The following MARVELD2 variants were observed in gnomAD, a reference collection of about 807,000 sequenced individuals.
MARVELD2 encodes MARVEL domain containing 2.
Under a neutral mutation model 57.6 loss-of-function variants are expected in MARVELD2, and 49 were observed. That is an observed-to-expected ratio of 0.85 (90% CI 0.68 to 1.08). The LOEUF (loss-of-function observed/expected upper bound fraction) is 1.08, where lower values mean the gene tolerates loss of function less well. MARVELD2 is among the 50% of genes least tolerant of loss of function. MARVELD2 has a pLI of 0.00. For synonymous variants in MARVELD2, 238 were observed against 258.8 expected, an observed-to-expected ratio of 0.92 and a Z score of 0.77; for missense variants, 606 against 701.1, an observed-to-expected ratio of 0.86 and a Z score of 1.53.
rs374775664 is a variant in MARVELD2 at position 69,441,811 on chromosome 5, T to C, written c.*157T>C. ...AATTCTCCTGTTCAAGCAATTAGCCTCCCCAGTAGCTGGGATTACAGGCGT... is the reference window on the plus strand; with the variant it reads ...AATTCTCCTGTTCAAGCAATTAGCCCCCCCAGTAGCTGGGATTACAGGCGT... On this transcript the variant is annotated 3_prime_UTR_variant, in exon 7 of 7. Transcript: ENST00000325631. The C allele has an allele frequency of 7.2e-4, 381 of 529,422 alleles. 2 individuals carry two copies. The South Asian group carries it at 8.2e-3, about 11-fold the overall frequency. The allele number at this position is 529,422 out of a possible 1,614,324, so 32.8% of individuals were successfully genotyped here. A position where few individuals can be genotyped will look rare whatever the true frequency, so the allele number is the denominator to read the frequency against.
At position 69,441,815 on chromosome 5, in the gene MARVELD2, C is replaced by A; in HGVS notation, c.*161C>A. The A allele has an allele frequency of 3.8e-6, 2 of 521,296 alleles. No homozygotes were observed. Among genetic ancestry groups the A allele is most frequent in the East Asian group, 3.7e-5 (1 of 27,092 alleles). The allele number at this position is 521,296 out of a possible 1,614,324, so 32.3% of individuals were successfully genotyped here. On this transcript the variant is annotated 3_prime_UTR_variant, in exon 7 of 7. Coordinates refer to ENST00000325631, the MANE Select transcript of MARVELD2 (RefSeq NM_001038603.3). Reference sequence around the variant, plus strand: ...CTCCTGTTCAAGCAATTAGCCTCCCCAGTAGCTGGGATTACAGGCGTGCGC... The same window carrying A: ...CTCCTGTTCAAGCAATTAGCCTCCCAAGTAGCTGGGATTACAGGCGTGCGC...
In MARVELD2 at chr5:69,441,519, A is replaced by G. The variant is rs373638063; in HGVS notation, c.1555-13A>G. 2.2e-5 allele frequency: 36 copies of G among 1,608,854 alleles called. No individual in the cohort carries two copies. The African/African-American group carries it at 4.4e-4, about 20-fold the overall frequency. ...AGCCAGGAGCCAAAATAATACTTAT[A>G]TTTCTTTTACAGGATCCTACATTTC... On this transcript the variant is annotated splice_polypyrimidine_tract_variant and intron_variant, in intron 6 of 6. Transcript: ENST00000325631.
chr5:69,425,413 TAAA>T (rs10706532), intron 3 of MARVELD2, among the ~76,000 whole-genome samples: 1 of 141,846 alleles, frequency 7.0e-6, no homozygotes, highest in Non-Finnish European at 1.5e-5. Context: ...ATATATATAT[TAAA>T]AAAAAAAAAA....
At chr5:69,420,695 T>C (rs1198610932) in intron 2 of MARVELD2, among the ~76,000 whole-genome samples, 164 bp downstream of exon 2, 2 of 152,050 alleles carry the variant, frequency 1.3e-5, no homozygotes, top group Non-Finnish European at 2.9e-5. Flanking sequence ...AAAGTCCTAG[T>C]GCAATATCTG....
rs187945980 is a variant in MARVELD2, at chr5:69,425,789, C to T, written c.1182+1153C>T. On this transcript the variant is annotated intron_variant, in intron 3 of 6. Coordinates refer to ENST00000325631, the MANE Select transcript of MARVELD2 (RefSeq NM_001038603.3). ...TGTCGCCCAGGCTGGAGTGCAGTGG[C>T]GCTATCTCGGCTCACTGCAAGCTCC... Among the ~76,000 whole-genome samples the T allele has an allele frequency of 1.1e-3, 160 of 149,022 alleles. 1 individual carries two copies. Among genetic ancestry groups the T allele is most frequent in the African/African-American group, 3.7e-3 (151 of 40,312 alleles).
At position 69,420,000 on chromosome 5, in the gene MARVELD2, C is replaced by T. The variant is rs146796266; in HGVS notation, c.615C>T (p.Ala205=). ...GTGTGGTGGAGCTGCTTTTGGGGGC[C>T]GGTGTCTTTGCTTGTGTCACAGCTT... ...ILGVVELLLG[A]GVFACVTAYI... Residue 205 remains alanine, a synonymous_variant, in exon 2 of 7, where the codon GCC becomes GCT. Coordinates refer to ENST00000325631, the MANE Select transcript of MARVELD2 (RefSeq NM_001038603.3). 2.2e-4 allele frequency: 350 copies of T among 1,614,062 alleles called. 2 individuals carry two copies. In the African/African-American group the frequency reaches 4.2e-3, roughly 19 times the overall value.
At chr5:69,429,352 T>A (rs1300448308) in intron 3 of MARVELD2, among the ~76,000 whole-genome samples, 1 of 152,162 alleles carries the variant, frequency 6.6e-6, no homozygotes, top group Non-Finnish European at 1.5e-5. Context: ...AACAAAGGAT[T>A]TTTAAAGCTT....
chr5:69,428,189 A>T (rs1330906108), intron 3 of MARVELD2, among the ~76,000 whole-genome samples: 1 of 151,836 alleles, frequency 6.6e-6, no homozygotes, highest in Non-Finnish European at 1.5e-5. Flanking sequence ...GCAGAAAAAA[A>T]GTTAAGACCA....
Position 69,419,416 on chromosome 5 carries a change from G to A in MARVELD2, c.31G>A (p.Asp11Asn), listed in dbSNP as rs112747252. 3.7e-6 allele frequency: 6 copies of A among 1,614,036 alleles called. No homozygotes were observed. Among genetic ancestry groups the A allele is most frequent in the Non-Finnish European group, 5.1e-6 (6 of 1,180,044 alleles). The change falls in exon 2 of 7, where the codon GAC (aspartate) becomes AAC (asparagine). Residue 11 changes from aspartate (D) to asparagine (N), a missense_variant. Physicochemically the swap from Asp to Asn is conservative, Grantham distance 23. Coordinates refer to ENST00000325631, the MANE Select transcript of MARVELD2 (RefSeq NM_001038603.3). ...AAATGATGGAAGATCCAGGAATCGG[G>A]ACAGGCGCTACGATGAGGTCCCAAG... is the stretch of plus-strand genomic sequence containing the variant. MSNDGRSRNRDRRYDEVPSDL... is the reference protein window; with the variant it reads MSNDGRSRNRNRRYDEVPSDL...
At chr5:69,433,801 G>C (rs1324697891) in intron 5 of MARVELD2, 1 of 152,374 alleles carries the variant, frequency 6.6e-6, no homozygotes, top group Non-Finnish European at 1.5e-5. Context: ...ATTTACATCT[G>C]CTTTCTGTGT....
chr5:69,444,214 G>A lies in MARVELD2; in HGVS notation c.*2560G>A, dbSNP rs921055010. 13 of 151,584 alleles carry A rather than the reference G, an allele frequency of 8.6e-5. No homozygotes were observed. The highest frequency in any genetic ancestry group is 8.8e-5 in the Non-Finnish European group (6 of 67,908). 9.4% of individuals were successfully genotyped at this position (151,584 alleles called of 1,614,324 possible). A position where few individuals can be genotyped will look rare whatever the true frequency, so the allele number is the denominator to read the frequency against. Reference sequence around the variant, plus strand: ...TGCATTAAAGTTTCAGTCACCTGCCGTGTGTGTGTGTGCCCTTTTATGTTT... The same window carrying A: ...TGCATTAAAGTTTCAGTCACCTGCCATGTGTGTGTGTGCCCTTTTATGTTT... On this transcript the variant is annotated 3_prime_UTR_variant, in exon 7 of 7. Coordinates refer to ENST00000325631, the MANE Select transcript of MARVELD2 (RefSeq NM_001038603.3).
intron 2 of MARVELD2, among the ~76,000 whole-genome samples, chr5:69,421,518 A>G (rs1766624442): frequency 6.6e-6 from 1 of 152,222 alleles, no homozygotes; most frequent in Non-Finnish European, 1.5e-5. Context: ...ATAAATAAAA[A>G]TTAAATCCTG....
At chr5:69,428,146 A>G (rs932936904) in intron 3 of MARVELD2, among the ~76,000 whole-genome samples, 1 of 152,046 alleles carries the variant, frequency 6.6e-6, no homozygotes, top group African/African-American at 2.4e-5. Flanking sequence ...AGAGTTTTCC[A>G]AACTGATGAT....
chr5:69,438,079 C>G (rs1406954129), intron 5 of MARVELD2, among the ~76,000 whole-genome samples: 1 of 152,208 alleles, frequency 6.6e-6, no homozygotes, highest in Non-Finnish European at 1.5e-5. Context: ...CGTTTTCCCA[C>G]CATGTCCCCA....
chr5:69,433,153 CTTTTT>C (rs11345515), intron 5 of MARVELD2, 60 bp downstream of exon 5: 239 of 477,520 alleles, frequency 5.0e-4, no homozygotes, highest in East Asian at 1.1e-3. Flanking sequence ...TAAAATCTGG[CTTTTT>C]TTTTTTTTTT....
chr5:69,437,574 C>T (rs1023853909), intron 5 of MARVELD2, among the ~76,000 whole-genome samples: 2 of 151,080 alleles, frequency 1.3e-5, no homozygotes, highest in Non-Finnish European at 2.9e-5. Flanking sequence ...ATCCTTGCTA[C>T]TCGGGAGGCT....
chr5:69,425,797 C>T (rs999109695), intron 3 of MARVELD2, among the ~76,000 whole-genome samples: 6 of 150,494 alleles, frequency 4.0e-5, no homozygotes, highest in African/African-American at 1.5e-4. Flanking sequence ...GGCGCTATCT[C>T]GGCTCACTGC....
At chr5:69,433,272 C>T (rs972119628) in intron 5 of MARVELD2, among the ~76,000 whole-genome samples, 179 bp downstream of exon 5, 1 of 148,440 alleles carries the variant, frequency 6.7e-6, no homozygotes, top group African/African-American at 2.5e-5. Context: ...AAGCAATTCT[C>T]CTGCCTCAGC....
intron 5 of MARVELD2, among the ~76,000 whole-genome samples, chr5:69,439,492 G>A (rs1767262160): frequency 6.6e-6 from 1 of 151,892 alleles, no homozygotes. Context: ...AGTGGCTCAT[G>A]CGTGTAATCC....
Sources: allele counts gnomAD v4.1 joint callset (sites outside exome capture counted in the v4.1 genomes callset), GRCh38; gene constraint gnomAD v4.1.1; transcripts MANE v1.5; gene names NCBI Gene and HGNC (gene_info 2026-07-23, HGNC 2026-07-21).